Variants in CYFIP2 observed in about 807,000 individuals in gnomAD.
CYFIP2 encodes the protein cytoplasmic FMR1-interacting protein 2.
Under a neutral mutation model 158.7 loss-of-function variants are expected in CYFIP2, and 29 were observed. The observed-to-expected ratio is 0.18, with a 90% confidence interval of 0.14 to 0.25. The LOEUF is 0.25. Among genes scored for constraint, CYFIP2 ranks in the 10% least tolerant of loss-of-function variants. CYFIP2 has a pLI of 1.00. For missense variants in CYFIP2, 852 were observed against 1,639.5 expected, an observed-to-expected ratio of 0.52 and a Z score of 8.29; for synonymous variants, 585 against 617.6, an observed-to-expected ratio of 0.95 and a Z score of 0.78.
intron 24 of CYFIP2, among the ~76,000 whole-genome samples, chr5:157,359,997 C>T (rs950608651): frequency 6.6e-6 from 1 of 152,244 alleles, no homozygotes; most frequent in Non-Finnish European, 1.5e-5. Context: ...AATTTCCTGG[C>T]TCCATTTCAT....
chr5:157,327,363 G>A (rs961626931), intron 18 of CYFIP2, among the ~76,000 whole-genome samples: 5 of 152,108 alleles, frequency 3.3e-5, no homozygotes, highest in Non-Finnish European at 4.4e-5. Context: ...TCAGAAGTTC[G>A]AGACCAACCT....
rs34773095 is a variant in CYFIP2, at chr5:157,348,949, CA to C, written c.2673+7807del. On this transcript the variant is annotated intron_variant, in intron 23 of 30. Coordinates refer to ENST00000620254, the MANE Select transcript of CYFIP2 (RefSeq NM_001037333.3). ...TGGGCGACAGTGGAAGACTTCATCTCAAAAAAAAAAAAAAAGCATCCTCCCC... is the reference window on the plus strand; with the variant it reads ...TGGGCGACAGTGGAAGACTTCATCTCAAAAAAAAAAAAAAGCATCCTCCCC... Among the ~76,000 whole-genome samples, 947 of 127,180 alleles carry C rather than the reference CA, an allele frequency of 7.4e-3. 8 individuals carry two copies. Among genetic ancestry groups the C allele is most frequent in the African/African-American group, 0.021 (724 of 34,820 alleles). The allele number at this position is 127,180 out of a possible 152,430, so 83.4% of individuals were successfully genotyped here. A position where few individuals can be genotyped will look rare whatever the true frequency, so the allele number is the denominator to read the frequency against.
intron 1 of CYFIP2, 149 bp from the exon 2 acceptor site, chr5:157,285,190 G>C: frequency 1.7e-6 from 1 of 600,702 alleles, no homozygotes; most frequent in South Asian, 1.9e-5. Context: ...TACACATCGA[G>C]AGCACCTTGG....
chr5:157,389,385 T>G lies in CYFIP2; in HGVS notation c.3404T>G (p.Phe1135Cys), dbSNP rs772237862. The change falls in exon 29 of 31, where the codon TTC becomes TGC. Residue 1135 changes from phenylalanine (F) to cysteine (C), a missense_variant. By Grantham distance (205) the Phe-to-Cys change is radical. This residue lies in a region of CYFIP2 where 223 missense variants were observed against 381.6 expected (regional missense o/e 0.58). Transcript: ENST00000620254. ...EFHRLWSAMQFVYCIPVGTNE... is the reference protein window; with the variant it reads ...EFHRLWSAMQCVYCIPVGTNE... The stretch of plus-strand genomic sequence containing the variant: ...CACCGGCTGTGGAGCGCCATGCAGT[T>G]CGTGTACTGCATCCCTGTGGGAACC... 6.2e-7 allele frequency: 1 copy of G among 1,611,582 alleles called. No individual in the cohort carries two copies. The highest frequency in any genetic ancestry group is 2.2e-5 in the East Asian group (1 of 44,840).
intron 9 of CYFIP2, among the ~76,000 whole-genome samples, chr5:157,308,652 C>T (rs1199144318): frequency 2.6e-5 from 4 of 152,114 alleles, no homozygotes; most frequent in African/African-American, 4.8e-5. Context: ...AGCCTGAGTC[C>T]CACTGACTCT....
chr5:157,363,611 G>C (rs376610336), intron 26 of CYFIP2: 1 of 152,638 alleles, frequency 6.6e-6, no homozygotes. Flanking sequence ...GGTTAGAGCC[G>C]TGGAGGGAGG....
At chr5:157,366,260 A>G (rs1764361644) in intron 26 of CYFIP2, among the ~76,000 whole-genome samples, 1 of 152,170 alleles carries the variant, frequency 6.6e-6, no homozygotes, top group African/African-American at 2.4e-5. Context: ...GCTGGTCAAC[A>G]TTCTTGCCTT....
intron 3 of CYFIP2, among the ~76,000 whole-genome samples, chr5:157,289,193 C>T (rs185726269): frequency 2.0e-5 from 3 of 152,248 alleles, no homozygotes; most frequent in African/African-American, 2.4e-5. Flanking sequence ...TCTCCTGTTC[C>T]GTGCTGTCTC....
chr5:157,334,010 G>A (rs1900156), intron 21 of CYFIP2, among the ~76,000 whole-genome samples: 16,021 of 152,234 alleles, frequency 0.11, 1,223 homozygotes, highest in East Asian at 0.26. Context: ...TCAAGAATTA[G>A]AGTAAACTTG....
At chr5:157,279,062 A>G (rs1034897035) in intron 1 of CYFIP2, among the ~76,000 whole-genome samples, 3 of 152,252 alleles carry the variant, frequency 2.0e-5, no homozygotes, top group Admixed American at 2.0e-4. Context: ...GCTTCAATTC[A>G]TAAATCACAA....
intron 11 of CYFIP2, among the ~76,000 whole-genome samples, chr5:157,314,087 G>A (rs1377777734): frequency 6.6e-6 from 1 of 152,048 alleles, no homozygotes; most frequent in East Asian, 1.9e-4. Context: ...AAACATATTG[G>A]TGCATACATA....
At chr5:157,333,004 G>A (rs1362823042) in intron 20 of CYFIP2, among the ~76,000 whole-genome samples, 1 of 152,084 alleles carries the variant, frequency 6.6e-6, no homozygotes. Flanking sequence ...GGGTTTAATT[G>A]GGTGAAAAGG....
intron 8 of CYFIP2, among the ~76,000 whole-genome samples, chr5:157,306,965 C>T (rs1759283611): frequency 6.6e-6 from 1 of 151,490 alleles, no homozygotes; most frequent in Non-Finnish European, 1.5e-5. Flanking sequence ...CCACCCTGTT[C>T]GTGTCAGATG....
At chr5:157,308,842 A>G (rs1759460624) in intron 9 of CYFIP2, among the ~76,000 whole-genome samples, 1 of 152,214 alleles carries the variant, frequency 6.6e-6, no homozygotes, top group Non-Finnish European at 1.5e-5. Context: ...AGGGTAGAAG[A>G]GAAATACAAC....
intron 1 of CYFIP2, among the ~76,000 whole-genome samples, chr5:157,268,300 G>A (rs185709338): frequency 7.9e-4 from 120 of 152,310 alleles, no homozygotes; most frequent in Middle Eastern, 3.4e-3. Flanking sequence ...CTTGCTTTAG[G>A]CATTAGGCCA....
intron 1 of CYFIP2, among the ~76,000 whole-genome samples, chr5:157,276,766 T>G (rs1426969420): frequency 6.6e-6 from 1 of 152,194 alleles, no homozygotes; most frequent in Non-Finnish European, 1.5e-5. Flanking sequence ...GCCTCTCATA[T>G]GGATATCAGT....
Position 157,330,810 on chromosome 5 carries a change from C to G in CYFIP2, c.2225C>G (p.Ser742Cys). The change falls in exon 20 of 31, where the codon TCC becomes TGC. Residue 742 changes from serine to cysteine, a missense_variant. Around this residue, in one of 8 missense-constraint regions of CYFIP2, gnomAD observed 191 missense variants for 311.2 expected, o/e 0.61. Transcript: ENST00000620254. The part of the protein sequence containing the change: ...NYGVIIPYPP[S>C]NRYETLLKQR... The stretch of plus-strand genomic sequence containing the variant: ...GGCGTCATCATTCCGTATCCACCGT[C>G]CAATCGCTATGAAACACTGCTGAAG... 3.7e-6 allele frequency: 6 copies of G among 1,613,980 alleles called. No individual in the cohort carries two copies. Among genetic ancestry groups the G allele is most frequent in the Non-Finnish European group, 5.1e-6 (6 of 1,179,892 alleles).
rs547673864 is a variant in CYFIP2, at chr5:157,266,279, A to T, written c.-24+84A>T. ...GGGATGAGGCCGTGAGGATGCGCGA[A>T]GGGCCGCCCCCTCTCCCGGCCCGCG... is the stretch of plus-strand genomic sequence containing the variant. On this transcript the variant is annotated intron_variant, in intron 1 of 30. Coordinates refer to ENST00000620254, the MANE Select transcript of CYFIP2 (RefSeq NM_001037333.3). This position sits in a 1 kb window ranked among gnomAD's most constrained non-coding sequence, Gnocchi z 4.2. 6.6e-6 allele frequency: 1 copy of T among 150,680 alleles called. No homozygotes were observed. Among genetic ancestry groups the T allele is most frequent in the Non-Finnish European group, 1.5e-5 (1 of 67,458 alleles). The allele number at this position is 150,680 out of a possible 1,614,324, so 9.3% of individuals were successfully genotyped here.
At chr5:157,342,858 ACT>A in intron 23 of CYFIP2, 1 of 1,606,286 alleles carries the variant, frequency 6.2e-7, no homozygotes, top group Non-Finnish European at 8.5e-7. Context: ...TCTCCTCCCC[ACT>A]CTCATTCCCC....
Sources: allele counts gnomAD v4.1 joint callset (sites outside exome capture counted in the v4.1 genomes callset), GRCh38; gene constraint gnomAD v4.1.1; regional missense constraint gnomAD v4.1.1; non-coding constraint Gnocchi (gnomAD v3.1); transcripts MANE v1.5; gene names NCBI Gene and HGNC (gene_info 2026-07-23, HGNC 2026-07-21).